Variants in PDE4B observed in about 807,000 individuals in gnomAD.
The protein encoded by PDE4B is 3',5'-cyclic-AMP phosphodiesterase 4B.
A neutral mutation model predicts 82.2 loss-of-function variants in PDE4B; 20 were observed. That is an observed-to-expected ratio of 0.24 (90% CI 0.17 to 0.35). PDE4B has a LOEUF of 0.35. Among genes scored for constraint, PDE4B ranks in the 10% least tolerant of loss-of-function variants. The probability of loss-of-function intolerance (pLI) is 1.00; values close to 1 mark genes in which losing one functional copy is unlikely to be tolerated. For synonymous variants in PDE4B, 320 were observed against 318.9 expected (o/e 1.00, Z -0.04); for missense variants, 655 against 907.2 (o/e 0.72, Z 3.57).
chr1:66,141,897 G>C lies in PDE4B; in HGVS notation c.282-105563G>C, dbSNP rs757063837. Among the ~76,000 whole-genome samples the C allele has an allele frequency of 3.3e-5, 5 of 152,200 alleles. No homozygotes were observed. In the East Asian group the frequency reaches 9.7e-4, roughly 29 times the overall value. On this transcript the variant is annotated intron_variant, in intron 3 of 16. Coordinates refer to ENST00000341517, the MANE Select transcript of PDE4B (RefSeq NM_002600.4). ...CTCTTGAACAACATAGGCATTAGGG[G>C]TGCTGAACCCTCGCACAGTTCCAAA...
At chr1:65,965,063 A>G (rs1456080502) in intron 3 of PDE4B, among the ~76,000 whole-genome samples, 1 of 152,108 alleles carries the variant, frequency 6.6e-6, no homozygotes, top group African/African-American at 2.4e-5. Flanking sequence ...AGAATCTTAC[A>G]CAATTAACTA....
chr1:65,873,640 T>C (rs74339590), intron 1 of PDE4B, among the ~76,000 whole-genome samples: 4,229 of 152,262 alleles, frequency 0.028, 88 homozygotes, highest in Non-Finnish European at 0.042. Context: ...GTTTGGGAAA[T>C]TAATGAAGAA....
chr1:66,337,732 CAT>C (rs1454603349), intron 8 of PDE4B, among the ~76,000 whole-genome samples: 1 of 152,190 alleles, frequency 6.6e-6, no homozygotes, highest in African/African-American at 2.4e-5. Context: ...TGGCCCCACA[CAT>C]GTTAGAGGTG....
At chr1:65,995,391 G>T (rs1651484352) in intron 3 of PDE4B, among the ~76,000 whole-genome samples, 2 of 151,920 alleles carry the variant, frequency 1.3e-5, no homozygotes, top group African/African-American at 4.8e-5. Flanking sequence ...ATATTTTTAT[G>T]ACTTTTTCAA....
chr1:65,855,887 T>C (rs1646386731), intron 1 of PDE4B, among the ~76,000 whole-genome samples: 1 of 152,124 alleles, frequency 6.6e-6, no homozygotes, highest in African/African-American at 2.4e-5. Context: ...CTAACCTCAT[T>C]TGCCTGCAGT....
chr1:66,356,851 C>T (rs1195861411), intron 9 of PDE4B, among the ~76,000 whole-genome samples: 1 of 152,194 alleles, frequency 6.6e-6, no homozygotes, highest in Non-Finnish European at 1.5e-5. Flanking sequence ...TTTTCTCCAG[C>T]TGCAGTTGCA....
intron 1 of PDE4B, among the ~76,000 whole-genome samples, chr1:65,843,751 CA>C (rs1361625066): frequency 6.6e-6 from 1 of 151,764 alleles, no homozygotes; most frequent in Non-Finnish European, 1.5e-5. Context: ...ATTATTCTTC[CA>C]AAAATTTTAA....
chr1:66,304,744 A>G (rs1310603748), intron 7 of PDE4B, among the ~76,000 whole-genome samples: 1 of 152,128 alleles, frequency 6.6e-6, no homozygotes, highest in East Asian at 1.9e-4. Context: ...GCAGGGACAT[A>G]CAGGGTTGGA....
At chr1:65,884,745 A>G (rs931417303) in intron 1 of PDE4B, among the ~76,000 whole-genome samples, 6 of 152,216 alleles carry the variant, frequency 3.9e-5, no homozygotes, top group Non-Finnish European at 7.3e-5. Flanking sequence ...TAGACCTAAA[A>G]CCATGAAAAC....
intron 12 of PDE4B, among the ~76,000 whole-genome samples, chr1:66,365,299 C>G (rs1381120513): frequency 6.6e-6 from 1 of 152,190 alleles, no homozygotes; most frequent in Non-Finnish European, 1.5e-5. Flanking sequence ...TGTCTCAGAG[C>G]AGAGCCAGTC....
At chr1:66,351,188 G>A (rs1011024875) in intron 8 of PDE4B, among the ~76,000 whole-genome samples, 91 of 152,182 alleles carry the variant, frequency 6.0e-4, no homozygotes, top group African/African-American at 2.2e-3. Flanking sequence ...GTTGAAAAGG[G>A]GCATTGGCCA....
At chr1:66,222,022 C>A (rs1651028149) in intron 3 of PDE4B, among the ~76,000 whole-genome samples, 1 of 152,082 alleles carries the variant, frequency 6.6e-6, no homozygotes, top group Non-Finnish European at 1.5e-5. Flanking sequence ...CAAGGAAAGC[C>A]AGGTCTGGTG....
At chr1:66,039,305 A>C (rs1654235328) in intron 3 of PDE4B, among the ~76,000 whole-genome samples, 1 of 152,060 alleles carries the variant, frequency 6.6e-6, no homozygotes, top group African/African-American at 2.4e-5. Context: ...GTGTATCTTT[A>C]AGTAAAAGAC....
chr1:65,812,415 A>G (rs1645830962), intron 1 of PDE4B, among the ~76,000 whole-genome samples: 1 of 151,922 alleles, frequency 6.6e-6, no homozygotes, highest in Admixed American at 6.6e-5. Context: ...AGCATTTCTC[A>G]CCTGCTGCTG....
intron 10 of PDE4B, among the ~76,000 whole-genome samples, 170 bp from the exon 11 acceptor site, chr1:66,362,998 G>A (rs2298054): frequency 6.6e-6 from 1 of 152,034 alleles, no homozygotes; most frequent in South Asian, 2.1e-4. Context: ...TCATGAAGAG[G>A]ACACCCGACC....
intron 7 of PDE4B, among the ~76,000 whole-genome samples, chr1:66,323,550 CA>C (rs1317908696): frequency 6.6e-6 from 1 of 152,022 alleles, no homozygotes; most frequent in Non-Finnish European, 1.5e-5. Flanking sequence ...AATAGGCACT[CA>C]AAAATTTTAC....
rs1346384173 is a variant in PDE4B at position 66,369,138 on chromosome 1, C to T, written c.1845+169C>T. Among the ~76,000 whole-genome samples, 3 of 152,178 alleles carry T rather than the reference C, an allele frequency of 2.0e-5. No individual in the cohort carries two copies. In the East Asian group the frequency reaches 5.8e-4, roughly 29 times the overall value. ...GGACTCATGCGACTTCTCCATTACA[C>T]TCAGTTTCACAGGGTGGGGAAAAGT... On this transcript the variant is annotated intron_variant, in intron 16 of 16. Transcript: ENST00000341517.
chr1:66,200,490 C>G (rs547797799), intron 3 of PDE4B, among the ~76,000 whole-genome samples: 11 of 152,236 alleles, frequency 7.2e-5, no homozygotes, highest in African/African-American at 2.6e-4. Context: ...ATGGAATGTT[C>G]TTCCATTTGT....
Position 66,363,540 on chromosome 1 carries a change from C to T in PDE4B, c.1253C>T (p.Thr418Ile), listed in dbSNP as rs1423884780. Residue 418 changes from threonine to isoleucine, a missense_variant, in exon 12 of 17, where the codon ACC becomes ATC. Thr to Ile is a moderately conservative substitution (Grantham distance 89, BLOSUM62 -1). Around this residue, in one of 3 missense-constraint regions of PDE4B, gnomAD observed 283 missense variants for 516.4 expected, o/e 0.55. Transcript: ENST00000341517. ...CACGCTGCTGATGTAGCCCAGTCGA[C>T]CCATGTTCTCCTTTCTACACCAGCA... is the stretch of plus-strand genomic sequence containing the variant. ...SLHAADVAQS[T>I]HVLLSTPALD... The T allele has an allele frequency of 3.1e-6, 5 of 1,613,180 alleles. No homozygotes were observed. The highest frequency in any genetic ancestry group is 4.2e-6 in the Non-Finnish European group (5 of 1,179,690).
Sources: gnomAD v4.1 joint callset for allele counts (sites outside exome capture counted in the v4.1 genomes callset) on GRCh38, gnomAD v4.1.1 for gene constraint, gnomAD v4.1.1 regional missense constraint, MANE v1.5 for transcripts, NCBI Gene and HGNC (gene_info 2026-07-23, HGNC 2026-07-21) for gene names.